NPAS3: variants seen among roughly 807,000 people sequenced by gnomAD.
NPAS3 encodes neuronal PAS domain-containing protein 3.
In NPAS3, 14 loss-of-function variants were observed where a neutral mutation model predicts 73.1. That is an observed-to-expected ratio of 0.19 (90% confidence interval 0.13 to 0.30). The LOEUF is 0.30. Among genes scored for constraint, NPAS3 ranks in the 10% least tolerant of loss-of-function variants. The pLI is 1.00. For synonymous variants in NPAS3, 620 were observed against 541.5 expected, an observed-to-expected ratio of 1.14 and a Z score of -2.01; for missense variants, 1,096 against 1,250.0, an observed-to-expected ratio of 0.88 and a Z score of 1.86.
chr14:33,714,363 G>A (rs777886471), intron 6 of NPAS3, among the ~76,000 whole-genome samples: 9 of 151,738 alleles, frequency 5.9e-5, no homozygotes, highest in Non-Finnish European at 8.8e-5. Flanking sequence ...AACCTAGAAC[G>A]GTGACTGGAA....
At chr14:33,078,161 A>G (rs10135458) in intron 2 of NPAS3, among the ~76,000 whole-genome samples, 50,186 of 151,868 alleles carry the variant, frequency 0.33, 8,551 homozygotes, top group African/African-American at 0.43. Flanking sequence ...AAATAAACAA[A>G]CATAAAAATA....
intron 1 of NPAS3, among the ~76,000 whole-genome samples, chr14:32,977,356 G>GCACACACACACACACACA (rs3057259): frequency 8.0e-4 from 113 of 141,536 alleles, no homozygotes; most frequent in Middle Eastern, 3.6e-3. Flanking sequence ...TCTCTGACAC[G>GCACACACACACACACACA]CACACACACA....
At chr14:33,522,177 C>T (rs1489224373) in intron 4 of NPAS3, among the ~76,000 whole-genome samples, 1 of 152,124 alleles carries the variant, frequency 6.6e-6, no homozygotes, top group Non-Finnish European at 1.5e-5. Context: ...AACGTATAGG[C>T]AGACAAAATT....
At chr14:33,362,686 G>A (rs1044909964) in intron 3 of NPAS3, among the ~76,000 whole-genome samples, 2 of 152,022 alleles carry the variant, frequency 1.3e-5, no homozygotes, top group African/African-American at 4.8e-5. Context: ...AGGGGTTACC[G>A]GGCATGAAGC....
chr14:33,593,767 C>T (rs549335588), intron 5 of NPAS3, among the ~76,000 whole-genome samples: 1 of 152,270 alleles, frequency 6.6e-6, no homozygotes, highest in East Asian at 1.9e-4. Flanking sequence ...TACTTTTACC[C>T]TTGCTCAGAG....
chr14:33,127,371 A>G (rs575777974), intron 2 of NPAS3, among the ~76,000 whole-genome samples: 112 of 152,228 alleles, frequency 7.4e-4, no homozygotes, highest in African/African-American at 2.6e-3. Flanking sequence ...TTTTCTGCAT[A>G]TATTGAGAAT....
At chr14:33,151,880 T>A (rs1410428875) in intron 2 of NPAS3, among the ~76,000 whole-genome samples, 1 of 152,184 alleles carries the variant, frequency 6.6e-6, no homozygotes, top group African/African-American at 2.4e-5. Flanking sequence ...CAGCTGCTAC[T>A]AGTACTCCTT....
chr14:33,784,745 A>ATTTATTTTTTTTATTTTTTTTT (rs1471526546), intron 9 of NPAS3, among the ~76,000 whole-genome samples: 1 of 73,840 alleles, frequency 1.4e-5, no homozygotes, highest in Non-Finnish European at 2.4e-5. Flanking sequence ...TTATTTATTT[A>ATTTATTTTTTTTATTTTTTTTT]TTTTTTTTTT....
rs189191176 is a variant in NPAS3, at chr14:33,305,095, A to G, written c.386-62091A>G. Among the ~76,000 whole-genome samples the G allele has an allele frequency of 1.0e-3, 155 of 152,220 alleles. 1 individual carries two copies. Among genetic ancestry groups the G allele is most frequent in the East Asian group, 1.4e-3 (7 of 5,184 alleles). ...AAGGGAAGGATTTGAGAGCTAAAAA[A>G]CTGTGATAAGGAGGTGTATGTTTTT... On this transcript the variant is annotated intron_variant, in intron 3 of 11. Coordinates refer to ENST00000356141, the Ensembl canonical transcript of NPAS3.
intron 4 of NPAS3, among the ~76,000 whole-genome samples, chr14:33,461,031 G>A (rs532862931): frequency 6.6e-6 from 1 of 152,272 alleles, no homozygotes; most frequent in African/African-American, 2.4e-5. Flanking sequence ...TTCTACAAGG[G>A]TAACTTATTA....
At chr14:33,684,412 A>G (rs1331686311) in intron 6 of NPAS3, among the ~76,000 whole-genome samples, 1 of 151,980 alleles carries the variant, frequency 6.6e-6, no homozygotes, top group Admixed American at 6.6e-5. Flanking sequence ...CTCGGGCTCA[A>G]GTGATTCTCC....
At chr14:33,301,306 T>TTATATATATATATATA (rs1232866435) in intron 3 of NPAS3, among the ~76,000 whole-genome samples, 2 of 81,144 alleles carry the variant, frequency 2.5e-5, no homozygotes, top group African/African-American at 6.4e-5. Context: ...GGTTTTATCA[T>TTATATATATATATATA]TATATATATA....
intron 2 of NPAS3, among the ~76,000 whole-genome samples, chr14:33,138,533 A>C (rs1353870917): frequency 6.6e-6 from 1 of 152,180 alleles, no homozygotes; most frequent in African/African-American, 2.4e-5. Context: ...TCCATGCCCC[A>C]GCATCATGCT....
intron 6 of NPAS3, among the ~76,000 whole-genome samples, chr14:33,728,312 T>G (rs899489130): frequency 1.2e-4 from 18 of 152,218 alleles, no homozygotes; most frequent in African/African-American, 4.3e-4. Context: ...TTAGGTGGGT[T>G]ATTTTTAACG....
At chr14:33,680,513 T>C (rs1465795499) in intron 6 of NPAS3, 1 of 679,918 alleles carries the variant, frequency 1.5e-6, no homozygotes, top group African/African-American at 1.8e-5. Flanking sequence ...TGTATTTCTT[T>C]CTAAAATAAG....
At position 33,444,721 on chromosome 14, in the gene NPAS3, T is replaced by C. The variant is rs2049408685; in HGVS notation, c.468+77453T>C. On this transcript the variant is annotated intron_variant, in intron 4 of 11. Transcript: ENST00000356141. The stretch of plus-strand genomic sequence containing the variant: ...TCACATGATTTTTATGCTTTATATA[T>C]TTATATCTTGTTTAAAAGAGATCTA... 2.0e-5 allele frequency among the ~76,000 whole-genome samples: 3 copies of C among 152,352 alleles called. No homozygotes were observed. The South Asian group carries it at 6.2e-4, about 32-fold the overall frequency.
chr14:33,239,274 T>C (rs747009672), intron 3 of NPAS3, among the ~76,000 whole-genome samples: 14 of 151,838 alleles, frequency 9.2e-5, no homozygotes, highest in African/African-American at 2.2e-4. Flanking sequence ...TGTGTACTTA[T>C]AGAAAACCAC....
chr14:33,745,304 G>A (rs2061760319), intron 7 of NPAS3, among the ~76,000 whole-genome samples: 1 of 152,172 alleles, frequency 6.6e-6, no homozygotes, highest in Admixed American at 6.5e-5. Context: ...AGGAAACAAG[G>A]AATGTATGTT....
intron 4 of NPAS3, among the ~76,000 whole-genome samples, chr14:33,528,693 G>C (rs1398612844): frequency 1.3e-5 from 2 of 152,142 alleles, no homozygotes; most frequent in Admixed American, 1.3e-4. Context: ...AAGGGAGGTA[G>C]TAGGTGACAG....
Sources: allele counts gnomAD v4.1 joint callset (sites outside exome capture counted in the v4.1 genomes callset), GRCh38; gene constraint gnomAD v4.1.1; transcripts MANE v1.5; gene names NCBI Gene and HGNC (gene_info 2026-07-23, HGNC 2026-07-21).